The following COBL variants were observed in gnomAD, a reference collection of about 807,000 sequenced individuals.
The protein encoded by COBL is protein cordon-bleu.
Under a neutral mutation model 98.8 loss-of-function variants are expected in COBL, and 51 were observed. The ratio of observed to expected loss-of-function variants is 0.52; its 90% CI spans 0.41 to 0.65. The LOEUF is 0.65. Among genes scored for constraint, COBL ranks in the 30% least tolerant of loss-of-function variants. The probability of loss-of-function intolerance (pLI) is 0.00; values close to 1 mark genes in which losing one functional copy is unlikely to be tolerated. For synonymous variants in COBL, 634 were observed against 651.7 expected (o/e 0.97, Z 0.41); for missense variants, 1,617 against 1,617.5 (o/e 1.00, Z 0.01).
intron 1 of COBL, among the ~76,000 whole-genome samples, chr7:51,294,459 C>A (rs1801216915): frequency 6.6e-6 from 1 of 150,986 alleles, no homozygotes; most frequent in South Asian, 2.1e-4. Flanking sequence ...ATGGTGAAAC[C>A]CTATTTCTAC....
intron 12 of COBL, among the ~76,000 whole-genome samples, chr7:51,020,021 G>A (rs1005803967): frequency 2.0e-5 from 3 of 152,148 alleles, no homozygotes; most frequent in African/African-American, 7.2e-5. Flanking sequence ...GTCATGACGC[G>A]TGTGGCCCGC....
chr7:51,162,060 G>A (rs973239788), intron 5 of COBL, among the ~76,000 whole-genome samples: 1 of 152,164 alleles, frequency 6.6e-6, no homozygotes, highest in Non-Finnish European at 1.5e-5. Flanking sequence ...ACAGAGACCC[G>A]AGAGCTAACT....
Position 51,017,253 on chromosome 7 carries a change from T to G in COBL, c.*298A>C. 1.8e-6 allele frequency: 1 copy of G among 561,664 alleles called. No homozygotes were observed. The highest frequency in any genetic ancestry group is 2.6e-5 in the South Asian group (1 of 39,124). 34.8% of individuals were successfully genotyped at this position (561,664 alleles called of 1,614,324 possible). A position where few individuals can be genotyped will look rare whatever the true frequency, so the allele number is the denominator to read the frequency against. ...GCCCATAAATATAATTAAGTGTGAGTGCTGGGCTCCAGCATTTATAGTCCC... is the reference window on the plus strand; with the variant it reads ...GCCCATAAATATAATTAAGTGTGAGGGCTGGGCTCCAGCATTTATAGTCCC... On this transcript the variant is annotated 3_prime_UTR_variant, in exon 13 of 13. Coordinates refer to ENST00000265136, the MANE Select transcript of COBL (RefSeq NM_015198.5).
intron 1 of COBL, among the ~76,000 whole-genome samples, chr7:51,221,174 G>A (rs569146253): frequency 4.0e-4 from 61 of 152,156 alleles, no homozygotes; most frequent in African/African-American, 1.2e-3. Flanking sequence ...GTTTGCTCCC[G>A]CTGCCTCCCT....
rs561109517 is a variant in COBL, at chr7:51,035,213, C to T, written c.1407-4304G>A. On this transcript the variant is annotated intron_variant, in intron 8 of 12. Transcript: ENST00000265136. Reference sequence around the variant, plus strand: ...AGGGACAGTCAAATTCAGTTAGTGCCAGGAGCCAAAAGCGCTTTTTGATTT... The same window carrying T: ...AGGGACAGTCAAATTCAGTTAGTGCTAGGAGCCAAAAGCGCTTTTTGATTT... 6 of 152,312 alleles carry T rather than the reference C, an allele frequency of 3.9e-5. No homozygotes were observed. In the East Asian group the frequency reaches 1.2e-3, roughly 29 times the overall value. The allele number at this position is 152,312 out of a possible 1,614,324, so 9.4% of individuals were successfully genotyped here.
chr7:51,237,338 T>C (rs886967045), intron 1 of COBL, among the ~76,000 whole-genome samples: 3 of 152,200 alleles, frequency 2.0e-5, no homozygotes, highest in Non-Finnish European at 4.4e-5. Context: ...CTCTGCATCC[T>C]CATAATAATT....
intron 5 of COBL, among the ~76,000 whole-genome samples, chr7:51,177,811 TAAATAAAA>T (rs922005036): frequency 1.0e-4 from 12 of 115,590 alleles, no homozygotes; most frequent in Middle Eastern, 4.3e-3. Context: ...AATAAATAAA[TAAATAAAA>T]ATTTAAAAGG....
chr7:51,033,537 G>A (rs1250747385), intron 8 of COBL: 2 of 152,236 alleles, frequency 1.3e-5, no homozygotes, highest in African/African-American at 4.8e-5. Flanking sequence ...GAAACACTGT[G>A]ATGATTTAAA....
intron 5 of COBL, among the ~76,000 whole-genome samples, chr7:51,155,794 A>G (rs1278628934): frequency 3.3e-5 from 5 of 152,040 alleles, no homozygotes; most frequent in African/African-American, 9.7e-5. Context: ...AGGACTATTT[A>G]AGCCCTCCTG....
chr7:51,167,197 G>C (rs1485580142), intron 5 of COBL, among the ~76,000 whole-genome samples: 1 of 152,054 alleles, frequency 6.6e-6, no homozygotes, highest in Non-Finnish European at 1.5e-5. Flanking sequence ...CTTACATTTG[G>C]AAAAACCTAA....
rs573369367 is a variant in COBL, at chr7:51,316,522, G to A, written c.41+71C>T. ...GAGAGGGCGCCCTGCCCGGGAGCGC[G>A]CGGTGCGGACGCGGGCGTCCGAGCC... On this transcript the variant is annotated intron_variant, in intron 1 of 12. Coordinates refer to ENST00000265136, the MANE Select transcript of COBL (RefSeq NM_015198.5). 49 of 1,117,382 alleles carry A rather than the reference G, an allele frequency of 4.4e-5. No individual in the cohort carries two copies. In the South Asian group the frequency reaches 1.6e-3, roughly 37 times the overall value. The allele number at this position is 1,117,382 out of a possible 1,614,324, so 69.2% of individuals were successfully genotyped here. A position where few individuals can be genotyped will look rare whatever the true frequency, so the allele number is the denominator to read the frequency against.
At chr7:51,059,681 A>G (rs979515667) in intron 7 of COBL, among the ~76,000 whole-genome samples, 8 of 152,088 alleles carry the variant, frequency 5.3e-5, no homozygotes, top group African/African-American at 1.9e-4. Flanking sequence ...CCCTGTTCGC[A>G]TAAATGAGTC....
intron 8 of COBL, among the ~76,000 whole-genome samples, chr7:51,038,467 G>A (rs1183506817): frequency 6.6e-6 from 1 of 152,188 alleles, no homozygotes; most frequent in African/African-American, 2.4e-5. Flanking sequence ...TGTGAACCCA[G>A]GCATCCCTAG....
intron 5 of COBL, among the ~76,000 whole-genome samples, chr7:51,170,530 T>TATATAA (rs34873583): frequency 2.5e-4 from 34 of 135,536 alleles, no homozygotes; most frequent in African/African-American, 7.9e-4. Context: ...TATATATATA[T>TATATAA]AAATATATAT....
At chr7:51,207,949 G>T (rs528444017) in intron 2 of COBL, among the ~76,000 whole-genome samples, 1 of 147,598 alleles carries the variant, frequency 6.8e-6, no homozygotes. Flanking sequence ...AGTGAGGAGC[G>T]TCTCTGCCTG....
rs1787850436 is a variant in COBL at position 51,028,686 on chromosome 7, C to G, written c.2410G>C (p.Glu804Gln). Residue 804 changes from glutamate to glutamine, a missense_variant, in exon 10 of 13, where the codon GAG (glutamate) becomes CAG (glutamine). By Grantham distance (29) the Glu-to-Gln change is conservative. Transcript: ENST00000265136. ...TPVPTQTQNP[E>Q]SRLQADPKPI... ...TTGGGGTCTGCTTGGAGTCTGCTCT[C>G]TGGATTCTGCGTCTGCGTGGGCACA... 1.2e-6 allele frequency: 2 copies of G among 1,613,406 alleles called. No individual in the cohort carries two copies. The highest frequency in any genetic ancestry group is 8.5e-7 in the Non-Finnish European group (1 of 1,179,620).
chr7:51,187,965 A>T (rs1789708813), intron 4 of COBL: 5 of 1,232,242 alleles, frequency 4.1e-6, no homozygotes, highest in Non-Finnish European at 5.1e-6. Flanking sequence ...CGAACTGGAA[A>T]AGGCAGGCAA....
At chr7:51,158,039 GGAA>G (rs1786368612) in intron 5 of COBL, among the ~76,000 whole-genome samples, 1 of 152,198 alleles carries the variant, frequency 6.6e-6, no homozygotes, top group Non-Finnish European at 1.5e-5. Context: ...CCCTGGGGAA[GGAA>G]GAAGAGAGCC....
chr7:51,277,917 T>C (rs1002975086), intron 1 of COBL, among the ~76,000 whole-genome samples: 3 of 152,186 alleles, frequency 2.0e-5, no homozygotes, highest in African/African-American at 4.8e-5. Context: ...TCTGAGGAAC[T>C]AGCAAGTAAG....
Sources: gnomAD v4.1 joint callset for allele counts (sites outside exome capture counted in the v4.1 genomes callset) on GRCh38, gnomAD v4.1.1 for gene constraint, MANE v1.5 for transcripts, NCBI Gene and HGNC (gene_info 2026-07-23, HGNC 2026-07-21) for gene names.